COL22A1: variants seen among roughly 807,000 people sequenced by gnomAD.
COL22A1 encodes collagen alpha-1(XXII) chain.
COL22A1 carries 221 observed loss-of-function variants against 248.9 expected under a neutral mutation model. The observed-to-expected ratio is 0.89, with a 90% confidence interval of 0.80 to 0.99. The LOEUF (loss-of-function observed/expected upper bound fraction) is 0.99. Among genes scored for constraint, COL22A1 ranks in the 50% least tolerant of loss-of-function variants. The pLI, the probability that COL22A1 is intolerant of heterozygous loss-of-function variation, is 0.00. For synonymous variants in COL22A1, 891 were observed against 793.4 expected, an observed-to-expected ratio of 1.12 and a Z score of -2.07; for missense variants, 2,240 against 2,179.0, an observed-to-expected ratio of 1.03 and a Z score of -0.56.
At chr8:138,781,065 G>C in intron 12 of COL22A1, 85 bp from the exon 13 acceptor site, 1 of 944,268 alleles carries the variant, frequency 1.1e-6, no homozygotes, top group Non-Finnish European at 1.6e-6. Context: ...GAACGTGCCA[G>C]GAAGGGAAGG....
intron 45 of COL22A1, among the ~76,000 whole-genome samples, chr8:138,650,458 T>G (rs1822604887): frequency 6.6e-6 from 1 of 152,198 alleles, no homozygotes; most frequent in African/African-American, 2.4e-5. Flanking sequence ...GCATGTGTTT[T>G]CTGATTAGTT....
At chr8:138,719,851 C>T (rs76452722) in intron 27 of COL22A1, among the ~76,000 whole-genome samples, 3,271 of 152,282 alleles carry the variant, frequency 0.021, 81 homozygotes, top group East Asian at 0.061. Flanking sequence ...GACTAAGACC[C>T]GGTCACTGGG....
At chr8:138,744,044 T>G (rs921055510) in intron 22 of COL22A1, among the ~76,000 whole-genome samples, 2 of 152,202 alleles carry the variant, frequency 1.3e-5, no homozygotes, top group African/African-American at 2.4e-5. Context: ...TGGTTAGAGC[T>G]GAAACCAGGT....
rs1317591280 is a variant in COL22A1, at chr8:138,871,137, A to G, written c.658+6613T>C. On this transcript the variant is annotated intron_variant, in intron 3 of 64. Transcript: ENST00000303045. ...GACAGTGCCTAGAATTTCCCAGGCC[A>G]GACACGCCACCCAGACTTGCCAACA... 5.9e-5 allele frequency among the ~76,000 whole-genome samples: 9 copies of G among 152,100 alleles called. No individual in the cohort carries two copies. In the East Asian group the frequency reaches 1.7e-3, roughly 29 times the overall value.
intron 25 of COL22A1, among the ~76,000 whole-genome samples, chr8:138,724,175 T>C (rs376663954): frequency 6.6e-5 from 10 of 152,250 alleles, no homozygotes; most frequent in African/African-American, 2.4e-4. Flanking sequence ...ACCTGCCCCC[T>C]AAGATCCCCC....
chr8:138,733,397 G>C (rs190140323), intron 23 of COL22A1, among the ~76,000 whole-genome samples: 1 of 152,184 alleles, frequency 6.6e-6, no homozygotes, highest in African/African-American at 2.4e-5. Flanking sequence ...GGCTTTGCAC[G>C]CTCCAAGATG....
At chr8:138,870,499 A>C (rs977362340) in intron 3 of COL22A1, among the ~76,000 whole-genome samples, 1 of 145,768 alleles carries the variant, frequency 6.9e-6, no homozygotes, top group Non-Finnish European at 1.5e-5. Flanking sequence ...GCACGTGGGG[A>C]GTGTGCTGTG....
At chr8:138,648,479 A>G (rs751575564) in intron 46 of COL22A1, among the ~76,000 whole-genome samples, 7 of 152,148 alleles carry the variant, frequency 4.6e-5, no homozygotes, top group Non-Finnish European at 8.8e-5. Context: ...AGAGAATCTC[A>G]CCTAAGACTT....
At chr8:138,843,104 C>G (rs1230757480) in intron 4 of COL22A1, among the ~76,000 whole-genome samples, 1 of 152,156 alleles carries the variant, frequency 6.6e-6, no homozygotes, top group Admixed American at 6.5e-5. Flanking sequence ...TGGTTAGGAG[C>G]TGCTCCTGGG....
At position 138,833,166 on chromosome 8, in the gene COL22A1, A is replaced by T. The variant is rs1820177400; in HGVS notation, c.734-16T>A. 6.4e-7 allele frequency: 1 copy of T among 1,555,810 alleles called. No homozygotes were observed. The highest frequency in any genetic ancestry group is 1.1e-5 in the South Asian group (1 of 89,904). The stretch of plus-strand genomic sequence containing the variant: ...AGGTCAAAACCTGTACAAAGAGAAG[A>T]GCTGGGAGTGAGTTTGGAGAAGGAA... On this transcript the variant is annotated splice_polypyrimidine_tract_variant and intron_variant, in intron 4 of 64. Transcript: ENST00000303045.
At chr8:138,886,943 T>C (rs1003795950) in intron 1 of COL22A1, among the ~76,000 whole-genome samples, 3 of 152,136 alleles carry the variant, frequency 2.0e-5, no homozygotes, top group African/African-American at 7.2e-5. Flanking sequence ...ACATAGTGGG[T>C]GTATGTATTT....
chr8:138,724,655 TCTC>T lies in COL22A1; in HGVS notation c.2204_2206del (p.Gly735del). 6.2e-7 allele frequency: 1 copy of T among 1,614,102 alleles called. No homozygotes were observed. The highest frequency in any genetic ancestry group is 2.2e-5 in the East Asian group (1 of 44,868). On this transcript the variant is annotated inframe_deletion, in exon 25 of 65. Transcript: ENST00000303045. ...TCCAGGCTTTCCCGGGAAGCCGATC[TCTC>T]CAGGCAAACCCTGAAAGGGGACCAC...
At chr8:138,907,451 C>T (rs369310060) in intron 1 of COL22A1, among the ~76,000 whole-genome samples, 3 of 152,234 alleles carry the variant, frequency 2.0e-5, no homozygotes, top group African/African-American at 7.2e-5. Context: ...TGCAATCCAA[C>T]CTTCTTTCCC....
intron 3 of COL22A1, among the ~76,000 whole-genome samples, chr8:138,844,949 C>CAAAAA (rs56957004): frequency 2.0e-5 from 1 of 49,308 alleles, no homozygotes; most frequent in Non-Finnish European, 4.4e-5. Context: ...GACTCCATCT[C>CAAAAA]AAAAAAAAAA....
chr8:138,679,838 A>G (rs932004288), intron 39 of COL22A1, among the ~76,000 whole-genome samples, 162 bp from the exon 40 acceptor site: 1 of 152,186 alleles, frequency 6.6e-6, no homozygotes, highest in Admixed American at 6.5e-5. Context: ...CATTTCCTGG[A>G]TGCAGGAACA....
At chr8:138,679,963 G>C (rs1825836477) in intron 39 of COL22A1, among the ~76,000 whole-genome samples, 1 of 152,202 alleles carries the variant, frequency 6.6e-6, no homozygotes, top group Non-Finnish European at 1.5e-5. Flanking sequence ...CAGTCTGGAA[G>C]CGTGGAGTCA....
intron 6 of COL22A1, among the ~76,000 whole-genome samples, chr8:138,824,190 C>T (rs150597212): frequency 6.6e-5 from 10 of 152,254 alleles, no homozygotes; most frequent in Admixed American, 3.3e-4. Context: ...TTCATATGTT[C>T]GAGCACTGTG....
intron 29 of COL22A1, 21 bp from the exon 30 acceptor site, chr8:138,715,756 A>G: frequency 6.3e-7 from 1 of 1,575,070 alleles, no homozygotes; most frequent in Non-Finnish European, 8.7e-7. Flanking sequence ...AGATAAAATT[A>G]GAAAACATTA....
Position 138,755,218 on chromosome 8 carries a change from C to T in COL22A1, c.1978-8G>A. 6.2e-7 allele frequency: 1 copy of T among 1,613,914 alleles called. No homozygotes were observed. Among genetic ancestry groups the T allele is most frequent in the Non-Finnish European group, 8.5e-7 (1 of 1,179,822 alleles). On this transcript the variant is annotated splice_polypyrimidine_tract_variant and splice_region_variant and intron_variant, in intron 20 of 64. Transcript: ENST00000303045. ...TCTGGGTCCTGGAGCTCCCTGGTAA[C>T]ACAAGCCAAACAGATGTTTAGTCAT...
Sources: gnomAD v4.1 joint callset for allele counts (sites outside exome capture counted in the v4.1 genomes callset) on GRCh38, gnomAD v4.1.1 for gene constraint, MANE v1.5 for transcripts, NCBI Gene and HGNC (gene_info 2026-07-23, HGNC 2026-07-21) for gene names.